The following SNAI3 variants were observed in gnomAD, a reference collection of about 807,000 sequenced individuals.
The protein encoded by SNAI3 is snail family transcriptional repressor 3.
A neutral mutation model predicts 16.4 loss-of-function variants in SNAI3; 21 were observed. The observed-to-expected ratio is 1.28, with a 90% CI of 0.91 to 1.85. SNAI3 has a LOEUF of 1.85. SNAI3 is among the 40% of genes most tolerant of loss of function. The pLI, the probability that SNAI3 is intolerant of heterozygous loss-of-function variation, is 0.00. For missense variants in SNAI3, 457 were observed against 372.8 expected (o/e 1.23, Z -1.86); for synonymous variants, 202 against 166.6 (o/e 1.21, Z -1.64).
intron 2 of SNAI3, among the ~76,000 whole-genome samples, chr16:88,679,849 G>A (rs1032026616): frequency 1.4e-4 from 22 of 151,966 alleles, no homozygotes; most frequent in Non-Finnish European, 2.9e-4. Flanking sequence ...GGAGGCCAAG[G>A]TGAGAAAATG....
rs370451683 is a variant in SNAI3, at chr16:88,678,532, G to T, written c.795C>A (p.Tyr265Ter). ...AGGTCTTGGTGCAGCGCCGGCACCG[G>T]TACTTCTTGGCGTCTGAGTGCGTTT... Reference protein sequence around the residue: ...HLQTHSDAKKYRCRRCTKTFS... With the variant: ...HLQTHSDAKK The change falls in exon 3 of 3, where the codon TAC becomes TAA. Residue 265 changes from tyrosine (Y) to a stop codon, truncating the protein, a stop_gained. Transcript: ENST00000332281. LOFTEE classifies it low-confidence loss of function (END_TRUNC). 2.1e-5 allele frequency: 17 copies of T among 796,194 alleles called. No individual in the cohort carries two copies. The highest frequency in any genetic ancestry group is 1.9e-4 in the East Asian group (8 of 41,316). The allele number at this position is 796,194 out of a possible 1,614,324, so 49.3% of individuals were successfully genotyped here. A position where few individuals can be genotyped will look rare whatever the true frequency, so the allele number is the denominator to read the frequency against.
At chr16:88,684,460 C>T (rs1033183506) in intron 1 of SNAI3, among the ~76,000 whole-genome samples, 8 of 152,168 alleles carry the variant, frequency 5.3e-5, no homozygotes, top group African/African-American at 1.9e-4. Flanking sequence ...CCTTTTTATT[C>T]ATGCTGCGGT....
intron 1 of SNAI3, 53 bp downstream of exon 1, chr16:88,686,278 C>G: frequency 6.3e-7 from 1 of 1,588,388 alleles, no homozygotes; most frequent in South Asian, 1.1e-5. Flanking sequence ...TCTCTCTCTC[C>G]CGCCCCTCAG....
chr16:88,681,625 G>T lies in SNAI3; in HGVS notation c.166C>A (p.Pro56Thr). 2 of 1,484,906 alleles carry T rather than the reference G, an allele frequency of 1.3e-6. No individual in the cohort carries two copies. Among genetic ancestry groups the T allele is most frequent in the Non-Finnish European group, 1.8e-6 (2 of 1,114,798 alleles). 92.0% of individuals were successfully genotyped at this position (1,484,906 alleles called of 1,614,324 possible). The part of the protein sequence containing the change: ...KEAPSVPGDL[P>T]QPWDRSSAVA... The stretch of plus-strand genomic sequence containing the variant: ...GCCGAGGAGCGGTCCCAGGGCTGGG[G>T]AAGGTCACCGGGCACAGAAGGGGCC... The change falls in exon 2 of 3, where the codon CCC becomes ACC. Residue 56 changes from proline to threonine, a missense_variant. By Grantham distance (38) the Pro-to-Thr change is conservative. Coordinates refer to ENST00000332281, the MANE Select transcript of SNAI3 (RefSeq NM_178310.4). The surrounding 1 kb of genome is among the most constrained non-coding windows in gnomAD (Gnocchi z 5.4).
rs35518035 is a variant in SNAI3, at chr16:88,683,084, CTTTT to C, written c.77-1374_77-1371del. ...GAGCCACCGCACCTGGCCCCCCACC[CTTTT>C]TTTTTTTTTTTTTTTGAGACAGAGT... On this transcript the variant is annotated intron_variant, in intron 1 of 2. Transcript: ENST00000332281. Among the ~76,000 whole-genome samples, 9 of 98,890 alleles carry C rather than the reference CTTTT, an allele frequency of 9.1e-5. No individual in the cohort carries two copies. In the South Asian group the frequency reaches 2.4e-3, roughly 27 times the overall value. The allele number at this position is 98,890 out of a possible 152,430, so 64.9% of individuals were successfully genotyped here.
rs935547972 is a variant in SNAI3 at position 88,677,807 on chromosome 16, A to C, written c.*641T>G. On this transcript the variant is annotated 3_prime_UTR_variant, in exon 3 of 3. Transcript: ENST00000332281. ...CCCACAGGCACTCCGCCTCATCCCA[A>C]CACACCCAAATCACCAATCGTGGGC... The C allele has an allele frequency of 6.7e-6, 1 of 148,398 alleles. No homozygotes were observed. Among genetic ancestry groups the C allele is most frequent in the Non-Finnish European group, 1.5e-5 (1 of 66,054 alleles). The allele number at this position is 148,398 out of a possible 1,614,324, so 9.2% of individuals were successfully genotyped here.
chr16:88,684,790 T>C (rs973779959), intron 1 of SNAI3, among the ~76,000 whole-genome samples: 1 of 152,200 alleles, frequency 6.6e-6, no homozygotes, highest in Non-Finnish European at 1.5e-5. Context: ...CACACCCAGC[T>C]GAAGAGACTG....
At position 88,681,479 on chromosome 16, in the gene SNAI3, G is replaced by C. The variant is rs1395316005; in HGVS notation, c.312C>G (p.Pro104=). The change falls in exon 2 of 3, where the codon CCC becomes CCG. Residue 104 remains proline, a synonymous_variant. Coordinates refer to ENST00000332281, the MANE Select transcript of SNAI3 (RefSeq NM_178310.4). This position sits in a 1 kb window ranked among gnomAD's most constrained non-coding sequence, Gnocchi z 5.4. ...TGAGGTGGTTCAGGCTGTCTTTGAG[G>C]GGTACAATGGCGGCCCGGCTGGCCC... is the stretch of plus-strand genomic sequence containing the variant. ...DPRASRAAIV[P]LKDSLNHLNL... The C allele has an allele frequency of 1.9e-6, 3 of 1,570,672 alleles. No individual in the cohort carries two copies. The highest frequency in any genetic ancestry group is 2.6e-6 in the Non-Finnish European group (3 of 1,152,510).
chr16:88,680,588 T>A (rs1010233614), intron 2 of SNAI3, among the ~76,000 whole-genome samples: 1 of 151,584 alleles, frequency 6.6e-6, no homozygotes, highest in Non-Finnish European at 1.5e-5. Context: ...CCTGGTGGGT[T>A]TTTTTGTTTT....
intron 2 of SNAI3, among the ~76,000 whole-genome samples, chr16:88,679,704 G>A (rs1909095067): frequency 7.1e-6 from 1 of 139,956 alleles, no homozygotes; most frequent in Non-Finnish European, 1.5e-5. Context: ...GGGGCTTGCA[G>A]TGAGCTGACA....
rs1354794579 is a variant in SNAI3, at chr16:88,681,117, T to G, written c.674A>C (p.Gln225Pro). The change falls in exon 2 of 3, where the codon CAG becomes CCG. Residue 225 changes from glutamine to proline, a missense_variant. Transcript: ENST00000332281. The surrounding 1 kb of genome is among the most constrained non-coding windows in gnomAD (Gnocchi z 5.4). ...ACCTGTGTGGGTGCGGACATGGCCCTGCAGTAACCAGGGCCTGGAGAAGGC... is the reference window on the plus strand; with the variant it reads ...ACCTGTGTGGGTGCGGACATGGCCCGGCAGTAACCAGGGCCTGGAGAAGGC... ...GKAFSRPWLL[Q>P]GHVRTHTGEK... The G allele has an allele frequency of 8.1e-6, 13 of 1,613,144 alleles. No homozygotes were observed. Among genetic ancestry groups the G allele is most frequent in the Middle Eastern group, 1.7e-4 (1 of 5,786 alleles).
At chr16:88,682,027 C>T (rs568413986) in intron 1 of SNAI3, among the ~76,000 whole-genome samples, 8 of 152,288 alleles carry the variant, frequency 5.3e-5, no homozygotes, top group Non-Finnish European at 7.4e-5. Flanking sequence ...AAACAGGCCT[C>T]GTGGGTAAAG....
intron 2 of SNAI3, among the ~76,000 whole-genome samples, chr16:88,680,062 T>C (rs1175234835): frequency 2.2e-5 from 3 of 137,344 alleles, no homozygotes; most frequent in Admixed American, 7.9e-5. Flanking sequence ...GCCTGAGCAA[T>C]AGAGTGAGAC....
chr16:88,678,869 C>T, intron 2 of SNAI3: 1 of 985,440 alleles, frequency 1.0e-6, no homozygotes, highest in Non-Finnish European at 1.2e-6. Context: ...CTCCCGGGGC[C>T]CTTGGCCACT....
Position 88,683,825 on chromosome 16 carries a change from G to A in SNAI3, c.77-2111C>T, listed in dbSNP as rs187926555. On this transcript the variant is annotated intron_variant, in intron 1 of 2. Transcript: ENST00000332281. Reference sequence around the variant, plus strand: ...GCCCACCTCAGCCTCCCAAAGTGCTGGATTACAAGTGTGAGCCACTGCGCC... The same window carrying A: ...GCCCACCTCAGCCTCCCAAAGTGCTAGATTACAAGTGTGAGCCACTGCGCC... Among the ~76,000 whole-genome samples, 351 of 152,198 alleles carry A rather than the reference G, an allele frequency of 2.3e-3. 1 individual carries two copies. Among genetic ancestry groups the A allele is most frequent in the Non-Finnish European group, 4.1e-3 (281 of 68,010 alleles).
Position 88,681,083 on chromosome 16 carries a change from C to A in SNAI3, c.697+11G>T. 1 of 1,600,672 alleles carries A rather than the reference C, an allele frequency of 6.2e-7. No homozygotes were observed. The highest frequency in any genetic ancestry group is 8.5e-7 in the Non-Finnish European group (1 of 1,169,994). On this transcript the variant is annotated intron_variant, in intron 2 of 2. Transcript: ENST00000332281. The surrounding 1 kb of genome is among the most constrained non-coding windows in gnomAD (Gnocchi z 5.4). ...CCCAGACCGTCCTTGCAGACCTTCA[C>A]CCTGTCCTACCTGTGTGGGTGCGGA... is the stretch of plus-strand genomic sequence containing the variant.
rs915308558 is a variant in SNAI3, at chr16:88,677,736, G to C, written c.*712C>G. 6.6e-6 allele frequency: 1 copy of C among 152,278 alleles called. No homozygotes were observed. The highest frequency in any genetic ancestry group is 6.5e-5 in the Admixed American group (1 of 15,280). 9.4% of individuals were successfully genotyped at this position (152,278 alleles called of 1,614,324 possible). On this transcript the variant is annotated 3_prime_UTR_variant, in exon 3 of 3. Transcript: ENST00000332281. ...CACGGCTGTTATTGCCTGGGAAGCT[G>C]AGTGCCCTGAGACCCCAGCCCCCTG...
Position 88,681,025 on chromosome 16 carries a change from T to G in SNAI3, c.697+69A>C. On this transcript the variant is annotated intron_variant, in intron 2 of 2. Coordinates refer to ENST00000332281, the MANE Select transcript of SNAI3 (RefSeq NM_178310.4). The surrounding 1 kb of genome is among the most constrained non-coding windows in gnomAD (Gnocchi z 5.4). ...GTTTATAAAATCACCCCTCCTCCTT[T>G]TCTAACTCCCGCAGCCCACCCTCTT... is the stretch of plus-strand genomic sequence containing the variant. 6.4e-7 allele frequency: 1 copy of G among 1,551,324 alleles called. No individual in the cohort carries two copies. The highest frequency in any genetic ancestry group is 8.7e-7 in the Non-Finnish European group (1 of 1,145,036).
rs753855191 is a variant in SNAI3, at chr16:88,686,400, G to A, written c.7C>T (p.Arg3Cys). The change falls in exon 1 of 3, where the codon CGC becomes TGC. Residue 3 changes from arginine (R) to cysteine (C), a missense_variant. Physicochemically the swap from Arg to Cys is radical, Grantham distance 180. Transcript: ENST00000332281. MP[R>C]SFLVKTHSSH... ...GAGTGCGTTTTCACCAGGAAGGAGC[G>A]CGGCATGTTCCCCTCCCGGGCGGCA... 2.5e-6 allele frequency: 4 copies of A among 1,610,946 alleles called. No homozygotes were observed. The highest frequency in any genetic ancestry group is 2.2e-5 in the South Asian group (2 of 91,064).
Sources: allele counts gnomAD v4.1 joint callset (sites outside exome capture counted in the v4.1 genomes callset), GRCh38; gene constraint gnomAD v4.1.1; non-coding constraint Gnocchi (gnomAD v3.1); transcripts MANE v1.5; gene names NCBI Gene and HGNC (gene_info 2026-07-23, HGNC 2026-07-21).